PSTPIP2: variants seen among roughly 807,000 people sequenced by gnomAD.
The protein encoded by PSTPIP2 is proline-serine-threonine phosphatase interacting protein 2.
In PSTPIP2, 33 loss-of-function variants were observed where a neutral mutation model predicts 63.3. The ratio of observed to expected loss-of-function variants is 0.52; its 90% CI spans 0.40 to 0.70. The LOEUF (loss-of-function observed/expected upper bound fraction) is 0.70, where lower values mean the gene tolerates loss of function less well. PSTPIP2 is among the 30% of genes least tolerant of loss of function. The probability of loss-of-function intolerance (pLI) is 0.00; values close to 1 mark genes in which losing one functional copy is unlikely to be tolerated. For missense variants in PSTPIP2, 312 were observed against 400.7 expected (o/e 0.78, Z 1.89); for synonymous variants, 125 against 132.7 (o/e 0.94, Z 0.40).
At chr18:46,029,662 T>C (rs1907717989) in intron 2 of PSTPIP2, 11 of 728,310 alleles carry the variant, frequency 1.5e-5, no homozygotes, top group Admixed American at 4.1e-5. Context: ...TACAGAAATA[T>C]TGGCAATTGC....
chr18:46,028,958 C>CAT, intron 2 of PSTPIP2: 1 of 1,136,022 alleles, frequency 8.8e-7, no homozygotes, highest in Non-Finnish European at 1.3e-6. Flanking sequence ...CGTCCTTCTG[C>CAT]TGCTCAGATC....
At chr18:46,016,699 T>C (rs546004401) in intron 3 of PSTPIP2, among the ~76,000 whole-genome samples, 1 of 152,306 alleles carries the variant, frequency 6.6e-6, no homozygotes, top group South Asian at 2.1e-4. Flanking sequence ...AGTCTGAATA[T>C]GGTTTAGCTG....
rs1040639421 is a variant in PSTPIP2, at chr18:45,983,866, G to A, written c.*1593C>T. 1.3e-5 allele frequency: 2 copies of A among 152,248 alleles called. No individual in the cohort carries two copies. The highest frequency in any genetic ancestry group is 2.9e-5 in the Non-Finnish European group (2 of 68,100). The allele number at this position is 152,248 out of a possible 1,614,324, so 9.4% of individuals were successfully genotyped here. ...CCTTACACGAAAGGTGGGGAAATAG[G>A]CCGGGCGCAGTGGCTCACGCCTGTA... On this transcript the variant is annotated 3_prime_UTR_variant, in exon 15 of 15. Transcript: ENST00000409746.
At chr18:46,063,485 C>T (rs1284516976) in intron 1 of PSTPIP2, among the ~76,000 whole-genome samples, 1 of 152,094 alleles carries the variant, frequency 6.6e-6, no homozygotes, top group Non-Finnish European at 1.5e-5. Flanking sequence ...AACACGGGCA[C>T]ACACATTCTT....
intron 2 of PSTPIP2, among the ~76,000 whole-genome samples, chr18:46,032,702 C>T (rs569314417): frequency 2.2e-5 from 3 of 136,566 alleles, no homozygotes; most frequent in East Asian, 2.3e-4. Context: ...TGCAGTGAGC[C>T]GAGATCATGC....
chr18:46,037,383 G>A (rs1908019198), intron 2 of PSTPIP2, among the ~76,000 whole-genome samples: 1 of 152,164 alleles, frequency 6.6e-6, no homozygotes, highest in South Asian at 2.1e-4. Flanking sequence ...TCGACCTCAG[G>A]TGATCTGCCT....
chr18:46,040,026 T>C lies in PSTPIP2; in HGVS notation c.55A>G (p.Ile19Val). The change falls in exon 2 of 15, where the codon ATC becomes GTC. Residue 19 changes from isoleucine to valine, a missense_variant. Coordinates refer to ENST00000409746, the MANE Select transcript of PSTPIP2 (RefSeq NM_024430.4). Reference protein sequence around the residue: ...NFWSADILSTIGYDNIIQHLN... With the variant: ...NFWSADILSTVGYDNIIQHLN... ...TGTTGGATAATGTTGTCATAGCCGA[T>C]GGTGCTGAGGATGTCTGCACTCTGG... 3 of 1,611,520 alleles carry C rather than the reference T, an allele frequency of 1.9e-6. No homozygotes were observed. The highest frequency in any genetic ancestry group is 2.5e-6 in the Non-Finnish European group (3 of 1,178,506).
At chr18:46,050,589 GAATTGGAAGCAACCTA>G (rs1198499826) in intron 1 of PSTPIP2, among the ~76,000 whole-genome samples, 3 of 151,376 alleles carry the variant, frequency 2.0e-5, no homozygotes, top group Non-Finnish European at 4.4e-5. Context: ...TAATAACAAA[GAATTGGAAGCAACCTA>G]AATATTCAGC....
intron 1 of PSTPIP2, among the ~76,000 whole-genome samples, chr18:46,056,188 C>T (rs117910842): frequency 2.0e-5 from 3 of 152,178 alleles, no homozygotes; most frequent in Non-Finnish European, 4.4e-5. Flanking sequence ...CAATGTAGAT[C>T]CCTTAGCTGG....
At chr18:46,071,710 G>C (rs1465621202) in intron 1 of PSTPIP2, among the ~76,000 whole-genome samples, 3 of 152,220 alleles carry the variant, frequency 2.0e-5, no homozygotes. Flanking sequence ...GATCCCCCCA[G>C]ATCCTCTCAC....
chr18:46,031,780 A>C (rs1421772667), intron 2 of PSTPIP2, among the ~76,000 whole-genome samples: 1 of 152,164 alleles, frequency 6.6e-6, no homozygotes, highest in Non-Finnish European at 1.5e-5. Flanking sequence ...TCTTTCTTGT[A>C]AGAGGAAGAC....
At position 46,056,782 on chromosome 18, in the gene PSTPIP2, G is replaced by GT. The variant is rs930775444; in HGVS notation, c.33+15373dup. ...TGGAAGGGTTTTTCTCATTAACTTT[G>GT]TTTTTTTAAAATATTACATTAAAGA... On this transcript the variant is annotated intron_variant, in intron 1 of 14. Coordinates refer to ENST00000409746, the MANE Select transcript of PSTPIP2 (RefSeq NM_024430.4). 2.6e-5 allele frequency among the ~76,000 whole-genome samples: 4 copies of GT among 151,896 alleles called. No homozygotes were observed. The East Asian group carries it at 5.8e-4, about 22-fold the overall frequency.
chr18:46,028,462 C>T, intron 2 of PSTPIP2: 2 of 597,262 alleles, frequency 3.3e-6, no homozygotes, highest in South Asian at 1.4e-5. Flanking sequence ...GACAAACCGG[C>T]CGTGGAGTGG....
intron 1 of PSTPIP2, among the ~76,000 whole-genome samples, chr18:46,060,617 A>T (rs1908953306): frequency 6.6e-6 from 1 of 152,150 alleles, no homozygotes; most frequent in South Asian, 2.1e-4. Context: ...TGCCCTCTCC[A>T]TTTTCTGTTC....
rs2051794960 is a variant in PSTPIP2 at position 46,011,356 on chromosome 18, AAAAT to A, written c.248-73_248-70del. The A allele has an allele frequency of 2.4e-6, 3 of 1,228,676 alleles. No homozygotes were observed. The Admixed American group carries it at 5.9e-5, about 24-fold the overall frequency. 76.1% of individuals were successfully genotyped at this position (1,228,676 alleles called of 1,614,324 possible). Reference sequence around the variant, plus strand: ...TGAATTAAAATATATAAAATCATACAAAATAAATATGTATATACAAAATACTGGA... The same window carrying A: ...TGAATTAAAATATATAAAATCATACAAAATATGTATATACAAAATACTGGA... On this transcript the variant is annotated intron_variant, in intron 4 of 14. Transcript: ENST00000409746.
At chr18:46,046,152 T>C (rs1018615039) in intron 1 of PSTPIP2, among the ~76,000 whole-genome samples, 3 of 152,166 alleles carry the variant, frequency 2.0e-5, no homozygotes, top group Non-Finnish European at 2.9e-5. Context: ...AATAACTGCA[T>C]AAACTTGGTG....
At chr18:46,071,246 A>G (rs1382086934) in intron 1 of PSTPIP2, among the ~76,000 whole-genome samples, 1 of 152,178 alleles carries the variant, frequency 6.6e-6, no homozygotes, top group Non-Finnish European at 1.5e-5. Context: ...GGAGGCAAGC[A>G]GGAGCCCCAG....
chr18:46,004,177 G>C (rs1027335281), intron 6 of PSTPIP2, among the ~76,000 whole-genome samples: 1 of 152,148 alleles, frequency 6.6e-6, no homozygotes, highest in African/African-American at 2.4e-5. Context: ...CACTATTTCT[G>C]TATTACACTG....
intron 6 of PSTPIP2, among the ~76,000 whole-genome samples, chr18:46,004,292 C>T (rs946650306): frequency 6.6e-6 from 1 of 152,080 alleles, no homozygotes; most frequent in Non-Finnish European, 1.5e-5. Flanking sequence ...GTGACACTTC[C>T]CTATTACATC....
Sources: gnomAD v4.1 joint callset for allele counts (sites outside exome capture counted in the v4.1 genomes callset) on GRCh38, gnomAD v4.1.1 for gene constraint, MANE v1.5 for transcripts, NCBI Gene and HGNC (gene_info 2026-07-23, HGNC 2026-07-21) for gene names.